Variants in LRRTM4 observed in about 807,000 individuals in gnomAD.
LRRTM4 encodes leucine rich repeat transmembrane neuronal 4.
LRRTM4 carries 25 observed loss-of-function variants against 47.6 expected under a neutral mutation model. The observed-to-expected ratio is 0.53, with a 90% confidence interval of 0.38 to 0.73. The LOEUF is 0.73. Among genes scored for constraint, LRRTM4 ranks in the 30% least tolerant of loss-of-function variants. LRRTM4 has a pLI of 0.00. For missense variants in LRRTM4, 638 were observed against 713.4 expected, an observed-to-expected ratio of 0.89 and a Z score of 1.20; for synonymous variants, 311 against 269.5, an observed-to-expected ratio of 1.15 and a Z score of -1.51.
rs1679218564 is a variant in LRRTM4 at position 77,516,702 on chromosome 2, G to T, written c.1551+1616C>A. ...CTTTTATTCTTTTTAATTTTTAAGGGCAATTGCTTATACAGTTTCCTTTTA... is the reference window on the plus strand; with the variant it reads ...CTTTTATTCTTTTTAATTTTTAAGGTCAATTGCTTATACAGTTTCCTTTTA... On this transcript the variant is annotated intron_variant, in intron 3 of 3. Coordinates refer to ENST00000409884, the MANE Select transcript of LRRTM4 (RefSeq NM_001134745.3). The T allele has an allele frequency of 3.1e-6, 3 of 968,368 alleles. No individual in the cohort carries two copies. In the South Asian group the frequency reaches 1.4e-4, roughly 46 times the overall value. The allele number at this position is 968,368 out of a possible 1,614,324, so 60.0% of individuals were successfully genotyped here.
chr2:76,929,351 C>G (rs1674693394), intron 3 of LRRTM4, among the ~76,000 whole-genome samples: 1 of 152,098 alleles, frequency 6.6e-6, no homozygotes, highest in African/African-American at 2.4e-5. Context: ...ATTTACCTCC[C>G]TAGTGTCCAT....
intron 3 of LRRTM4, among the ~76,000 whole-genome samples, chr2:77,094,594 A>G (rs1670755903): frequency 6.6e-6 from 1 of 152,206 alleles, no homozygotes; most frequent in Non-Finnish European, 1.5e-5. Context: ...CTACCAGTGG[A>G]ACAGGACAGA....
At chr2:77,058,912 T>C (rs1167478276) in intron 3 of LRRTM4, among the ~76,000 whole-genome samples, 1 of 152,146 alleles carries the variant, frequency 6.6e-6, no homozygotes, top group African/African-American at 2.4e-5. Context: ...ATTGCTTGAT[T>C]TTAAAATGGA....
chr2:76,942,601 A>G (rs1573346965), intron 3 of LRRTM4, among the ~76,000 whole-genome samples: 1 of 151,598 alleles, frequency 6.6e-6, no homozygotes, highest in Non-Finnish European at 1.5e-5. Context: ...TTCAACCCCA[A>G]CATTTATGAA....
At chr2:76,941,171 CAAA>C (rs1675129858) in intron 3 of LRRTM4, among the ~76,000 whole-genome samples, 1 of 151,804 alleles carries the variant, frequency 6.6e-6, no homozygotes, top group Non-Finnish European at 1.5e-5. Flanking sequence ...AAACAAAAAA[CAAA>C]AACAAAAAGG....
intron 3 of LRRTM4, among the ~76,000 whole-genome samples, chr2:76,822,774 C>G (rs1338725855): frequency 2.0e-5 from 3 of 151,416 alleles, no homozygotes; most frequent in Non-Finnish European, 4.4e-5. Flanking sequence ...CTAAGTCTGA[C>G]TAACTTCAGA....
chr2:76,809,200 A>T (rs915570539), intron 3 of LRRTM4, among the ~76,000 whole-genome samples: 3 of 152,212 alleles, frequency 2.0e-5, no homozygotes, highest in African/African-American at 7.2e-5. Context: ...ACATCCTTTT[A>T]TCAGTGGTCA....
chr2:77,006,319 A>T (rs1239823475), intron 3 of LRRTM4, among the ~76,000 whole-genome samples: 2 of 152,194 alleles, frequency 1.3e-5, no homozygotes, highest in African/African-American at 4.8e-5. Flanking sequence ...TTAAGAAATA[A>T]GATGTTTTCT....
chr2:77,138,941 A>G (rs578063375), intron 3 of LRRTM4, among the ~76,000 whole-genome samples: 1 of 152,306 alleles, frequency 6.6e-6, no homozygotes, highest in South Asian at 2.1e-4. Flanking sequence ...TGAATCCTTG[A>G]ATAGACCAAT....
At chr2:77,446,056 A>T (rs1176481090) in intron 3 of LRRTM4, among the ~76,000 whole-genome samples, 1 of 152,060 alleles carries the variant, frequency 6.6e-6, no homozygotes, top group Non-Finnish European at 1.5e-5. Context: ...CTGATAGGTT[A>T]TATAACGTAA....
chr2:77,119,997 G>C (rs780694881), intron 3 of LRRTM4, among the ~76,000 whole-genome samples: 1 of 151,768 alleles, frequency 6.6e-6, no homozygotes, highest in Non-Finnish European at 1.5e-5. Context: ...TGCTTTGCTC[G>C]TGGAAACTGT....
At chr2:77,517,815 C>A in intron 3 of LRRTM4, 1 of 985,648 alleles carries the variant, frequency 1.0e-6, no homozygotes, top group Non-Finnish European at 1.2e-6. Flanking sequence ...ATCCCTGTTG[C>A]ATGCTTTCAT....
intron 3 of LRRTM4, among the ~76,000 whole-genome samples, chr2:76,796,168 G>C (rs192716968): frequency 6.9e-6 from 1 of 143,974 alleles, no homozygotes; most frequent in East Asian, 2.0e-4. Flanking sequence ...AGGGTCCTAC[G>C]CCCACAGAGC....
intron 3 of LRRTM4, among the ~76,000 whole-genome samples, chr2:77,180,854 CGTT>C (rs2103856029): frequency 6.6e-6 from 1 of 152,138 alleles, no homozygotes; most frequent in Admixed American, 6.6e-5. Context: ...TCTCTTCAGA[CGTT>C]GTATGCATAC....
chr2:76,752,933 C>T (rs1009823857), intron 3 of LRRTM4, among the ~76,000 whole-genome samples: 4 of 152,236 alleles, frequency 2.6e-5, no homozygotes, highest in Middle Eastern at 3.4e-3. Context: ...AAGATGTCCT[C>T]GTTAGAACAC....
rs79635433 is a variant in LRRTM4, at chr2:77,213,979, A to G, written c.1551+304339T>C. ...AACAAACAAACAAAAGAAAAAAAAA[A>G]CACTGTATCCTGAGCCCTAGAAGAA... On this transcript the variant is annotated intron_variant, in intron 3 of 3. Coordinates refer to ENST00000409884, the MANE Select transcript of LRRTM4 (RefSeq NM_001134745.3). 2.0e-5 allele frequency among the ~76,000 whole-genome samples: 3 copies of G among 152,198 alleles called. No homozygotes were observed. In the East Asian group the frequency reaches 5.8e-4, roughly 29 times the overall value.
At chr2:77,150,652 G>GGAA (rs1427393056) in intron 3 of LRRTM4, among the ~76,000 whole-genome samples, 1 of 152,032 alleles carries the variant, frequency 6.6e-6, no homozygotes, top group Non-Finnish European at 1.5e-5. Context: ...AAATAATTGA[G>GGAA]GAAGAATATG....
At chr2:76,883,145 T>C (rs970211989) in intron 3 of LRRTM4, among the ~76,000 whole-genome samples, 1 of 152,082 alleles carries the variant, frequency 6.6e-6, no homozygotes, top group Non-Finnish European at 1.5e-5. Flanking sequence ...TATGTGAAAC[T>C]CATCTTCAAT....
chr2:77,172,557 C>A (rs766796769), intron 3 of LRRTM4, among the ~76,000 whole-genome samples: 2 of 152,112 alleles, frequency 1.3e-5, no homozygotes, highest in Non-Finnish European at 2.9e-5. Flanking sequence ...CGTGCCACTG[C>A]ACTCCAGCCA....
Sources: gnomAD v4.1 joint callset for allele counts (sites outside exome capture counted in the v4.1 genomes callset) on GRCh38, gnomAD v4.1.1 for gene constraint, MANE v1.5 for transcripts, NCBI Gene and HGNC (gene_info 2026-07-23, HGNC 2026-07-21) for gene names.